ESPL1: variants seen among roughly 807,000 people sequenced by gnomAD.
ESPL1 encodes separin.
In ESPL1, 50 loss-of-function variants were observed where a neutral mutation model predicts 217.2. The ratio of observed to expected loss-of-function variants is 0.23; its 90% CI spans 0.18 to 0.29. The LOEUF (loss-of-function observed/expected upper bound fraction) is 0.29. ESPL1 is among the 10% of genes least tolerant of loss of function. The pLI is 1.00. For missense variants in ESPL1, 1,834 were observed against 2,603.0 expected, an observed-to-expected ratio of 0.70 and a Z score of 6.43; for synonymous variants, 994 against 1,081.3, an observed-to-expected ratio of 0.92 and a Z score of 1.58.
rs780440223 is a variant in ESPL1, at chr12:53,286,576, C to T, written c.3840C>T (p.Leu1280=). The part of the protein sequence containing the change: ...LIWALTKLGG[L]SCCTTQLFAS... ...GGGCCCTCACAAAACTAGGTGGCCTCAGCTGCTGTACTACCCAACTTTTTG... is the reference window on the plus strand; with the variant it reads ...GGGCCCTCACAAAACTAGGTGGCCTTAGCTGCTGTACTACCCAACTTTTTG... The change falls in exon 18 of 31, where the codon CTC becomes CTT. Residue 1280 remains leucine (L), a synonymous_variant. Transcript: ENST00000257934. The surrounding 1 kb of genome is among the most constrained non-coding windows in gnomAD (Gnocchi z 5.3). 2.2e-5 allele frequency: 35 copies of T among 1,614,070 alleles called. No individual in the cohort carries two copies. In the Admixed American group the frequency reaches 5.8e-4, roughly 27 times the overall value.
intron 24 of ESPL1, among the ~76,000 whole-genome samples, 165 bp downstream of exon 24, chr12:53,290,634 C>A (rs1944038079): frequency 1.5e-4 from 1 of 6,786 alleles, no homozygotes; most frequent in South Asian, 6.2e-3. Flanking sequence ...ACTTCAGAGC[C>A]CAGAACTTGA....
In ESPL1 at chr12:53,290,356, C is replaced by T. The variant is rs767132969; in HGVS notation, c.5251C>T (p.Arg1751Cys). The T allele has an allele frequency of 6.2e-6, 10 of 1,612,900 alleles. No homozygotes were observed. In the East Asian group the frequency reaches 6.7e-5, roughly 11 times the overall value. The change falls in exon 24 of 31, where the codon CGT (arginine) becomes TGT (cysteine). Residue 1751 changes from arginine to cysteine, a missense_variant. Around this residue, in one of 5 missense-constraint regions of ESPL1, gnomAD observed 295 missense variants for 519.8 expected, o/e 0.57. Transcript: ENST00000257934. ...IPTGQNKLHL[R>C]SVLNEFDAIQ... Reference sequence around the variant, plus strand: ...GCCCCATCTCCCAAAGCTTCATCTGCGTTCAGTCCTGAATGAGTTTGATGC... The same window carrying T: ...GCCCCATCTCCCAAAGCTTCATCTGTGTTCAGTCCTGAATGAGTTTGATGC...
intron 23 of ESPL1, 55 bp downstream of exon 23, chr12:53,290,267 C>G (rs1169664627): frequency 6.2e-7 from 1 of 1,611,050 alleles, no homozygotes; most frequent in Non-Finnish European, 8.5e-7. Flanking sequence ...TCGGGTCAAG[C>G]TGCTCACATT....
Position 53,268,313 on chromosome 12 carries a change from T to A in ESPL1, c.-77T>A, listed in dbSNP as rs6580940. On this transcript the variant is annotated 5_prime_UTR_variant, in exon 1 of 31. Transcript: ENST00000257934. The stretch of plus-strand genomic sequence containing the variant: ...CGGAAAACGAAGGTTACATTTTGGA[T>A]CCTCGCGGAGTACTGGTCAGGCGGT... The A allele has an allele frequency of 0.052, 8,063 of 153,800 alleles. 371 individuals carry two copies. Among genetic ancestry groups the A allele is most frequent in the East Asian group, 0.14 (747 of 5,210 alleles). The allele number at this position is 153,800 out of a possible 1,614,324, so 9.5% of individuals were successfully genotyped here.
chr12:53,288,798 A>T (rs1944003234), intron 20 of ESPL1, 99 bp downstream of exon 20: 1 of 1,151,922 alleles, frequency 8.7e-7, no homozygotes, highest in Non-Finnish European at 1.2e-6. Flanking sequence ...ATCTGGATCC[A>T]GTAGCCTCTG....
rs1471340504 is a variant in ESPL1, at chr12:53,289,461, C to T, written c.4980C>T (p.Ser1660=). ...LEIADQLQGL[S]LQEMPGDVPL... is the part of the protein sequence containing the mutation. Reference sequence around the variant, plus strand: ...TAGCAGACCAGCTGCAGGGGCTGAGCCTTCAGGAGATGCCTGGAGATGTCC... The same window carrying T: ...TAGCAGACCAGCTGCAGGGGCTGAGTCTTCAGGAGATGCCTGGAGATGTCC... The change falls in exon 22 of 31, where the codon AGC becomes AGT. Residue 1660 remains serine (S), a synonymous_variant. Transcript: ENST00000257934. 37 of 1,614,146 alleles carry T rather than the reference C, an allele frequency of 2.3e-5. No homozygotes were observed. Among genetic ancestry groups the T allele is most frequent in the Non-Finnish European group, 3.1e-5 (36 of 1,180,026 alleles).
In ESPL1 at chr12:53,292,497, AATG is replaced by A; in HGVS notation, c.5913-74_5913-72del. 7.1e-7 allele frequency: 1 copy of A among 1,405,510 alleles called. No homozygotes were observed. The highest frequency in any genetic ancestry group is 1.0e-6 in the Non-Finnish European group (1 of 991,118). The allele number at this position is 1,405,510 out of a possible 1,614,324, so 87.1% of individuals were successfully genotyped here. ...AGCTGTTGCAGCCCACCTTCTATCT[AATG>A]ATCCCTCTGCTGTCTTTGCCACCTG... On this transcript the variant is annotated intron_variant, in intron 28 of 30. Transcript: ENST00000257934. The surrounding 1 kb of genome is among the most constrained non-coding windows in gnomAD (Gnocchi z 4.5).
In ESPL1 at chr12:53,286,133, C is replaced by A. The variant is rs1943943405; in HGVS notation, c.3397C>A (p.Pro1133Thr). ...TNSSPVLKTK[P>T]QPIPNFLSHS... ...CTCCTCCCCAGTCTTGAAAACCAAG[C>A]CCCAGCCCATACCCAACTTCCTGTC... Residue 1133 changes from proline to threonine, a missense_variant, in exon 18 of 31, where the codon CCC (proline) becomes ACC (threonine). This residue lies in a region of ESPL1 where 681 missense variants were observed against 808.0 expected (regional missense o/e 0.84). Transcript: ENST00000257934. This position sits in a 1 kb window ranked among gnomAD's most constrained non-coding sequence, Gnocchi z 5.3. 6.2e-7 allele frequency: 1 copy of A among 1,614,184 alleles called. No homozygotes were observed. Among genetic ancestry groups the A allele is most frequent in the Non-Finnish European group, 8.5e-7 (1 of 1,179,994 alleles).
At chr12:53,280,005 G>A in intron 12 of ESPL1, 139 bp downstream of exon 12, 1 of 954,840 alleles carries the variant, frequency 1.0e-6, no homozygotes, top group Non-Finnish European at 1.5e-6. Context: ...GTGGAGTGTG[G>A]AGCAGTTGGA....
chr12:53,291,735 G>A lies in ESPL1; in HGVS notation c.5566G>A (p.Ala1856Thr). 6.2e-7 allele frequency: 1 copy of A among 1,613,964 alleles called. No individual in the cohort carries two copies. Among genetic ancestry groups the A allele is most frequent in the Non-Finnish European group, 8.5e-7 (1 of 1,179,960 alleles). Reference sequence around the variant, plus strand: ...TGCCCTCACCCCTCAGGACATTCAGGCCCTGGCCTACGGGCTGTGCCCAAC... The same window carrying A: ...TGCCCTCACCCCTCAGGACATTCAGACCCTGGCCTACGGGCTGTGCCCAAC... ...AGALTPQDIQ[A>T]LAYGLCPTQP... The change falls in exon 26 of 31, where the codon GCC becomes ACC. Residue 1856 changes from alanine (A) to threonine (T), a missense_variant. Ala to Thr is a moderately conservative substitution (Grantham distance 58). This residue lies in a region of ESPL1 where 295 missense variants were observed against 519.8 expected (regional missense o/e 0.57). Transcript: ENST00000257934.
chr12:53,284,029 G>C (rs757835219), intron 16 of ESPL1, 29 bp from the exon 17 acceptor site: 1 of 1,481,426 alleles, frequency 6.8e-7, no homozygotes, highest in Non-Finnish European at 9.4e-7. Flanking sequence ...GGATTCCTCT[G>C]ATTGGTTCTC....
At chr12:53,288,419 C>T in intron 19 of ESPL1, 78 bp downstream of exon 19, 1 of 1,527,394 alleles carries the variant, frequency 6.5e-7, no homozygotes, top group Non-Finnish European at 8.8e-7. Context: ...GTAAGTGCTG[C>T]CAAGGAAGTA....
At chr12:53,289,860 A>G (rs1054800245) in intron 22 of ESPL1, 8 of 607,340 alleles carry the variant, frequency 1.3e-5, no homozygotes, top group African/African-American at 1.3e-4. Flanking sequence ...ACATATTCAC[A>G]TGATTTGAGT....
Position 53,288,242 on chromosome 12 carries a change from G to A in ESPL1, c.4447G>A (p.Glu1483Lys), listed in dbSNP as rs541077396. 5 of 1,609,284 alleles carry A rather than the reference G, an allele frequency of 3.1e-6. No individual in the cohort carries two copies. The African/African-American group carries it at 5.3e-5, about 17-fold the overall frequency. Reference sequence around the variant, plus strand: ...CAGTGACCAGGCCAGGCCTGGCCCTGAGATCATGAGGACCATCCCTGAGGA... The same window carrying A: ...CAGTGACCAGGCCAGGCCTGGCCCTAAGATCATGAGGACCATCCCTGAGGA... ...RASDQARPGPEIMRTIPEEEL... is the reference protein window; with the variant it reads ...RASDQARPGPKIMRTIPEEEL... The change falls in exon 19 of 31, where the codon GAG becomes AAG. Residue 1483 changes from glutamate to lysine, a missense_variant. Glu to Lys is a moderately conservative substitution (Grantham distance 56). Around this residue, in one of 5 missense-constraint regions of ESPL1, gnomAD observed 681 missense variants for 808.0 expected, o/e 0.84. Coordinates refer to ENST00000257934, the MANE Select transcript of ESPL1 (RefSeq NM_012291.5).
chr12:53,270,093 A>G lies in ESPL1; in HGVS notation c.1143+8A>G, dbSNP rs1943642409. On this transcript the variant is annotated splice_region_variant and intron_variant, in intron 3 of 30. Coordinates refer to ENST00000257934, the MANE Select transcript of ESPL1 (RefSeq NM_012291.5). ...CAGCTGCGGGATGATGGTGTGAGTT[A>G]AGGACCTGGAGGTAGGGTGGGGACG... 1 of 1,595,722 alleles carries G rather than the reference A, an allele frequency of 6.3e-7. No individual in the cohort carries two copies. Among genetic ancestry groups the G allele is most frequent in the Admixed American group, 1.7e-5 (1 of 58,500 alleles).
At position 53,286,077 on chromosome 12, in the gene ESPL1, A is replaced by C. The variant is rs767963488; in HGVS notation, c.3341A>C (p.Lys1114Thr). 1.2e-6 allele frequency: 2 copies of C among 1,611,428 alleles called. No homozygotes were observed. Among genetic ancestry groups the C allele is most frequent in the African/African-American group, 2.7e-5 (2 of 74,998 alleles). ...CTAGAGCTGGTGGCCACTGTGGCCA[A>C]GGAGCCTGGCCCCATAGCACCTTCT... Reference protein sequence around the residue: ...PALELVATVAKEPGPIAPSTN... With the variant: ...PALELVATVATEPGPIAPSTN... Residue 1114 changes from lysine (K) to threonine (T), a missense_variant, in exon 18 of 31, where the codon AAG (lysine) becomes ACG (threonine). By Grantham distance (78) the Lys-to-Thr change is moderately conservative. Coordinates refer to ENST00000257934, the MANE Select transcript of ESPL1 (RefSeq NM_012291.5). The surrounding 1 kb of genome is among the most constrained non-coding windows in gnomAD (Gnocchi z 5.3).
chr12:53,276,148 T>C (rs1943761949), intron 7 of ESPL1, among the ~76,000 whole-genome samples: 1 of 151,904 alleles, frequency 6.6e-6, no homozygotes, highest in African/African-American at 2.4e-5. Flanking sequence ...ATCAAGGCTG[T>C]AGTGAACCGT....
At chr12:53,272,086 CA>C (rs33920201) in intron 5 of ESPL1, among the ~76,000 whole-genome samples, 20,059 of 136,868 alleles carry the variant, frequency 0.15, 1,453 homozygotes, top group African/African-American at 0.23. Context: ...GACTCTGTCT[CA>C]AAAAAAAAAA....
intron 6 of ESPL1, 97 bp downstream of exon 6, chr12:53,272,954 G>A: frequency 2.3e-6 from 3 of 1,289,822 alleles, no homozygotes; most frequent in South Asian, 2.7e-5. Flanking sequence ...TGGAGTGGGA[G>A]GTTAATAGCA....
Sources: gnomAD v4.1 joint callset for allele counts (sites outside exome capture counted in the v4.1 genomes callset) on GRCh38, gnomAD v4.1.1 for gene constraint, gnomAD v4.1.1 regional missense constraint, Gnocchi (gnomAD v3.1) non-coding constraint, MANE v1.5 for transcripts, NCBI Gene and HGNC (gene_info 2026-07-23, HGNC 2026-07-21) for gene names.